Variants in MCTP2 observed in about 807,000 individuals in gnomAD.
The protein encoded by MCTP2 is multiple C2 and transmembrane domain-containing protein 2.
Under a neutral mutation model 111.6 loss-of-function variants are expected in MCTP2, and 132 were observed. The observed-to-expected ratio is 1.18, with a 90% CI of 1.03 to 1.37. MCTP2 has a LOEUF of 1.37. Among genes scored for constraint, MCTP2 ranks in the 40% most tolerant of loss-of-function variants. The probability of loss-of-function intolerance (pLI) is 0.00; values close to 1 mark genes in which losing one functional copy is unlikely to be tolerated. For missense variants in MCTP2, 1,183 were observed against 1,067.9 expected, an observed-to-expected ratio of 1.11 and a Z score of -1.50; for synonymous variants, 395 against 387.7, an observed-to-expected ratio of 1.02 and a Z score of -0.22.
At chr15:94,342,565 CACAA>C (rs1304917796) in intron 7 of MCTP2, 1 of 151,662 alleles carries the variant, frequency 6.6e-6, no homozygotes, top group Non-Finnish European at 1.5e-5. Context: ...TATATACACA[CACAA>C]ATATATTTTT....
At chr15:94,385,619 G>T in intron 14 of MCTP2, 94 bp downstream of exon 14, 2 of 835,874 alleles carry the variant, frequency 2.4e-6, no homozygotes, top group East Asian at 2.5e-5. Flanking sequence ...CAACCTGGGG[G>T]AAAAAAATCC....
intron 1 of MCTP2, among the ~76,000 whole-genome samples, chr15:94,297,928 ATT>A (rs34773310): frequency 3.5e-5 from 5 of 143,386 alleles, no homozygotes; most frequent in Admixed American, 7.0e-5. Context: ...TTCATGAAGC[ATT>A]TTTTTTTTTT....
intron 1 of MCTP2, among the ~76,000 whole-genome samples, chr15:94,244,005 A>G (rs2071430654): frequency 1.4e-5 from 2 of 147,032 alleles, no homozygotes; most frequent in South Asian, 4.3e-4. Context: ...ATATTTATGC[A>G]CACATATGTA....
At chr15:94,420,258 C>T (rs554774474) in intron 17 of MCTP2, among the ~76,000 whole-genome samples, 16 of 152,248 alleles carry the variant, frequency 1.1e-4, no homozygotes, top group African/African-American at 3.9e-4. Flanking sequence ...ATGTACCTAG[C>T]TGCTCAAGAG....
intron 19 of MCTP2, among the ~76,000 whole-genome samples, chr15:94,443,772 T>C: frequency 6.6e-6 from 1 of 152,102 alleles, no homozygotes; most frequent in East Asian, 1.9e-4. Context: ...GTAAATCTTA[T>C]TTGTTGTGTT....
At chr15:94,270,101 G>T (rs2152296446) in intron 1 of MCTP2, among the ~76,000 whole-genome samples, 1 of 152,208 alleles carries the variant, frequency 6.6e-6, no homozygotes, top group African/African-American at 2.4e-5. Context: ...GTATATGATG[G>T]TTTTTCTGGT....
chr15:94,344,818 A>G (rs2077875055), intron 7 of MCTP2, among the ~76,000 whole-genome samples: 1 of 152,180 alleles, frequency 6.6e-6, no homozygotes, highest in African/African-American at 2.4e-5. Flanking sequence ...GCTTTTTTAG[A>G]GAGAATAATA....
intron 17 of MCTP2, among the ~76,000 whole-genome samples, chr15:94,407,517 G>A (rs190297043): frequency 6.6e-6 from 1 of 152,060 alleles, no homozygotes; most frequent in African/African-American, 2.4e-5. Context: ...TGAGTATAGG[G>A]AAATAAAGAA....
chr15:94,360,187 C>T (rs1044072077), intron 10 of MCTP2, among the ~76,000 whole-genome samples: 2 of 152,244 alleles, frequency 1.3e-5, no homozygotes, highest in African/African-American at 4.8e-5. Flanking sequence ...TTTGCACCAT[C>T]TGCACATCCC....
intron 12 of MCTP2, among the ~76,000 whole-genome samples, chr15:94,376,041 G>A (rs2079754212): frequency 6.6e-6 from 1 of 152,172 alleles, no homozygotes; most frequent in Non-Finnish European, 1.5e-5. Flanking sequence ...ATCCCTAAGA[G>A]AAGGCTCAAT....
intron 10 of MCTP2, among the ~76,000 whole-genome samples, chr15:94,364,401 T>C (rs2079083642): frequency 1.3e-5 from 2 of 152,090 alleles, no homozygotes; most frequent in South Asian, 4.1e-4. Flanking sequence ...AGAGCAAGAT[T>C]TTACTGGTCT....
intron 1 of MCTP2, among the ~76,000 whole-genome samples, chr15:94,245,275 C>T (rs528928283): frequency 2.3e-5 from 3 of 130,260 alleles, no homozygotes; most frequent in South Asian, 2.3e-4. Flanking sequence ...TGTGTATATA[C>T]GTATATACAC....
intron 10 of MCTP2, among the ~76,000 whole-genome samples, chr15:94,364,654 T>C (rs1223680711): frequency 6.6e-6 from 1 of 152,228 alleles, no homozygotes; most frequent in Non-Finnish European, 1.5e-5. Flanking sequence ...TTGATATTTC[T>C]CTTTTGGGAG....
chr15:94,378,297 G>A (rs1201499306), intron 12 of MCTP2, among the ~76,000 whole-genome samples: 1 of 151,982 alleles, frequency 6.6e-6, no homozygotes, highest in African/African-American at 2.4e-5. Flanking sequence ...CAAGGAGGGA[G>A]GATTGCTTGA....
At chr15:94,249,935 C>T (rs2072290875) in intron 1 of MCTP2, among the ~76,000 whole-genome samples, 1 of 151,996 alleles carries the variant, frequency 6.6e-6, no homozygotes, top group Non-Finnish European at 1.5e-5. Context: ...TCACTGCAAA[C>T]ATTACTTTTA....
At chr15:94,302,904 C>T (rs569766555) in intron 2 of MCTP2, among the ~76,000 whole-genome samples, 9 of 151,684 alleles carry the variant, frequency 5.9e-5, no homozygotes, top group African/African-American at 1.5e-4. Context: ...TTAATATGGA[C>T]GACTTACAGT....
chr15:94,445,980 T>C (rs569463570), intron 19 of MCTP2, among the ~76,000 whole-genome samples: 33 of 152,310 alleles, frequency 2.2e-4, no homozygotes, highest in Admixed American at 1.8e-3. Context: ...GATGAATGCT[T>C]TGCCATGTTC....
rs1170579870 is a variant in MCTP2 at position 94,483,807 on chromosome 15, G to C, written c.*4773G>C. 6.6e-6 allele frequency: 1 copy of C among 152,090 alleles called. No individual in the cohort carries two copies. The highest frequency in any genetic ancestry group is 6.5e-5 in the Admixed American group (1 of 15,276). 9.4% of individuals were successfully genotyped at this position (152,090 alleles called of 1,614,324 possible). A position where few individuals can be genotyped will look rare whatever the true frequency, so the allele number is the denominator to read the frequency against. The stretch of plus-strand genomic sequence containing the variant: ...CTGTATGACAAGCCTCTCTGACACA[G>C]TTTACCTATGTAACAAACCTGCACA... On this transcript the variant is annotated 3_prime_UTR_variant, in exon 23 of 23. Transcript: ENST00000357742.
At chr15:94,407,766 T>C (rs1388214424) in intron 17 of MCTP2, among the ~76,000 whole-genome samples, 1 of 139,360 alleles carries the variant, frequency 7.2e-6, no homozygotes, top group Non-Finnish European at 1.5e-5. Flanking sequence ...CCAACACACA[T>C]GTACTTGTGC....
Sources: allele counts gnomAD v4.1 joint callset (sites outside exome capture counted in the v4.1 genomes callset), GRCh38; gene constraint gnomAD v4.1.1; transcripts MANE v1.5; gene names NCBI Gene and HGNC (gene_info 2026-07-23, HGNC 2026-07-21).